The following NRG4 variants were observed in gnomAD, a reference collection of about 807,000 sequenced individuals.
NRG4 encodes neuregulin 4.
In NRG4, 10 loss-of-function variants were observed where a neutral mutation model predicts 15.0. The ratio of observed to expected loss-of-function variants is 0.67; its 90% confidence interval spans 0.41 to 1.13. NRG4 has a LOEUF of 1.13. Ranked by LOEUF, NRG4 falls within the 50% of genes most tolerant of loss-of-function variation. NRG4 has a pLI of 0.00. For missense variants in NRG4, 139 were observed against 140.2 expected (o/e 0.99, Z 0.04); for synonymous variants, 41 against 50.1 (o/e 0.82, Z 0.77).
intron 3 of NRG4, among the ~76,000 whole-genome samples, chr15:75,990,692 T>G (rs1016295841): frequency 3.3e-5 from 5 of 149,508 alleles, no homozygotes; most frequent in African/African-American, 4.9e-5. Flanking sequence ...TTGTTTTTTT[T>G]TTTTTTGAGA....
chr15:76,051,453 T>C (rs1390115195), intron 4 of NRG4, among the ~76,000 whole-genome samples: 1 of 150,782 alleles, frequency 6.6e-6, no homozygotes, highest in Non-Finnish European at 1.5e-5. Flanking sequence ...AAAGTTGAAT[T>C]CTATTCATGT....
At chr15:75,989,270 T>C (rs75843322) in intron 3 of NRG4, among the ~76,000 whole-genome samples, 2 of 152,236 alleles carry the variant, frequency 1.3e-5, no homozygotes, top group Non-Finnish European at 2.9e-5. Context: ...CATTCCTTCA[T>C]GTAGATCTGT....
chr15:76,045,623 G>A (rs2035851764), intron 4 of NRG4, among the ~76,000 whole-genome samples: 1 of 151,064 alleles, frequency 6.6e-6, no homozygotes, highest in South Asian at 2.1e-4. Context: ...CCTATCATTT[G>A]CAACAACATG....
chr15:75,965,933 C>T (rs1201063998), intron 3 of NRG4, among the ~76,000 whole-genome samples: 1 of 152,204 alleles, frequency 6.6e-6, no homozygotes. Flanking sequence ...CTTACTTCTG[C>T]ACAAACTGTT....
intron 2 of NRG4, among the ~76,000 whole-genome samples, chr15:76,009,927 G>C (rs561202420): frequency 2.1e-4 from 32 of 152,178 alleles, no homozygotes; most frequent in African/African-American, 7.7e-4. Flanking sequence ...TTGATATACA[G>C]CCAAATCTTT....
At chr15:76,001,362 A>T (rs906812714) in intron 3 of NRG4, among the ~76,000 whole-genome samples, 2 of 152,200 alleles carry the variant, frequency 1.3e-5, no homozygotes, top group African/African-American at 4.8e-5. Context: ...ATATATTTTC[A>T]CTTCAATATA....
At chr15:76,027,507 TA>T (rs1567118329) in intron 5 of NRG4, among the ~76,000 whole-genome samples, 2 of 151,714 alleles carry the variant, frequency 1.3e-5, no homozygotes, top group African/African-American at 4.8e-5. Context: ...AATATATATA[TA>T]TATATATATG....
chr15:76,040,974 A>T (rs61240117), intron 4 of NRG4, among the ~76,000 whole-genome samples: 5,620 of 152,300 alleles, frequency 0.037, 183 homozygotes, highest in African/African-American at 0.085. Flanking sequence ...ACATAGACAG[A>T]ACTGTAAGAT....
intron 3 of NRG4, among the ~76,000 whole-genome samples, chr15:76,004,258 G>T (rs2034513943): frequency 6.6e-6 from 1 of 152,026 alleles, no homozygotes; most frequent in African/African-American, 2.4e-5. Context: ...TAAACACAAA[G>T]AAAATAGTTA....
At chr15:76,056,879 T>C (rs1382731227) in intron 2 of NRG4, 14 of 152,224 alleles carry the variant, frequency 9.2e-5, no homozygotes, top group Non-Finnish European at 1.9e-4. Flanking sequence ...TACATACATG[T>C]ACAAATTTTC....
At chr15:75,947,045 G>T (rs1049434473) in intron 5 of NRG4, among the ~76,000 whole-genome samples, 4 of 152,136 alleles carry the variant, frequency 2.6e-5, no homozygotes, top group Admixed American at 6.5e-5. Flanking sequence ...CCATGTTCTT[G>T]GTTACAGGGG....
At chr15:76,048,874 G>A (rs192306836) in intron 4 of NRG4, among the ~76,000 whole-genome samples, 2,172 of 150,286 alleles carry the variant, frequency 0.014, 177 homozygotes, top group African/African-American at 0.051. Context: ...GTAAAACCCC[G>A]TCTCTAATAA....
intron 4 of NRG4, among the ~76,000 whole-genome samples, chr15:75,960,543 A>C (rs1296849294): frequency 6.6e-6 from 1 of 152,180 alleles, no homozygotes; most frequent in African/African-American, 2.4e-5. Context: ...GGCTCATTAA[A>C]ATGGCCAGCA....
At chr15:75,962,057 G>T in intron 3 of NRG4, 83 bp from the exon 4 acceptor site, 2 of 1,007,972 alleles carry the variant, frequency 2.0e-6, no homozygotes, top group East Asian at 2.5e-5. Flanking sequence ...CAGATGACGT[G>T]AAGAAAAAAG....
intron 3 of NRG4, among the ~76,000 whole-genome samples, chr15:76,001,258 A>C (rs780190966): frequency 2.0e-5 from 3 of 152,084 alleles, no homozygotes; most frequent in Non-Finnish European, 2.9e-5. Flanking sequence ...TGGCCTCCCA[A>C]AGTGCTGGGA....
chr15:76,058,489 C>T (rs1230557005), intron 1 of NRG4, among the ~76,000 whole-genome samples: 1 of 152,044 alleles, frequency 6.6e-6, no homozygotes, highest in Non-Finnish European at 1.5e-5. Context: ...GGAAGGTAGT[C>T]CAAGACCGTG....
At chr15:76,028,614 T>C (rs568690269) in intron 5 of NRG4, among the ~76,000 whole-genome samples, 1 of 151,178 alleles carries the variant, frequency 6.6e-6, no homozygotes, top group South Asian at 2.1e-4. Context: ...AAAAAAGTGA[T>C]TCCAGCTGGG....
chr15:75,994,668 G>A (rs2034143845), intron 3 of NRG4, among the ~76,000 whole-genome samples: 1 of 152,208 alleles, frequency 6.6e-6, no homozygotes, highest in Admixed American at 6.5e-5. Flanking sequence ...GCTCAAGCTT[G>A]AAAGTATCTT....
chr15:75,943,612 A>G lies in NRG4; in HGVS notation c.*26T>C, dbSNP rs1567065802. The G allele has an allele frequency of 1.4e-6, 2 of 1,473,684 alleles. No homozygotes were observed. The highest frequency in any genetic ancestry group is 3.4e-5 in the Admixed American group (2 of 58,008). The allele number at this position is 1,473,684 out of a possible 1,614,324, so 91.3% of individuals were successfully genotyped here. On this transcript the variant is annotated 3_prime_UTR_variant, in exon 6 of 6. Coordinates refer to ENST00000394907, the MANE Select transcript of NRG4 (RefSeq NM_138573.4). ...TTTCTGCCTTTGTAAAATAAAAACA[A>G]TGATTTGGTTCACTTTGACGTTTCT...
Sources: allele counts gnomAD v4.1 joint callset (sites outside exome capture counted in the v4.1 genomes callset), GRCh38; gene constraint gnomAD v4.1.1; transcripts MANE v1.5; gene names NCBI Gene and HGNC (gene_info 2026-07-23, HGNC 2026-07-21).